CNTN5: variants seen among roughly 807,000 people sequenced by gnomAD.
CNTN5 encodes the protein contactin-5.
Under a neutral mutation model 129.1 loss-of-function variants are expected in CNTN5, and 77 were observed. The ratio of observed to expected loss-of-function variants is 0.60; its 90% CI spans 0.50 to 0.72. The LOEUF (loss-of-function observed/expected upper bound fraction) is 0.72, where lower values mean the gene tolerates loss of function less well. Among genes scored for constraint, CNTN5 ranks in the 30% least tolerant of loss-of-function variants. The pLI is 0.00. For synonymous variants in CNTN5, 509 were observed against 465.6 expected (o/e 1.09, Z -1.20); for missense variants, 1,478 against 1,328.8 (o/e 1.11, Z -1.75).
At chr11:99,752,374 C>T (rs993086408) in intron 3 of CNTN5, among the ~76,000 whole-genome samples, 22 of 152,270 alleles carry the variant, frequency 1.4e-4, no homozygotes, top group African/African-American at 5.3e-4. Context: ...ATGTCATTAG[C>T]AAACTACTCT....
chr11:99,339,366 C>T (rs372670436), intron 2 of CNTN5, among the ~76,000 whole-genome samples: 13 of 152,006 alleles, frequency 8.6e-5, no homozygotes, highest in African/African-American at 2.7e-4. Flanking sequence ...TTTTTGCTTT[C>T]GTTTTTCTGG....
intron 2 of CNTN5, among the ~76,000 whole-genome samples, chr11:99,516,165 T>TA (rs1270572674): frequency 6.6e-6 from 1 of 152,014 alleles, no homozygotes; most frequent in Non-Finnish European, 1.5e-5. Flanking sequence ...ACAATACTCA[T>TA]AAATATAAGT....
chr11:99,924,124 A>G (rs1349966788), intron 7 of CNTN5, among the ~76,000 whole-genome samples: 1 of 152,158 alleles, frequency 6.6e-6, no homozygotes, highest in African/African-American at 2.4e-5. Context: ...ATTAATAGCC[A>G]TTCTGGCTGG....
At chr11:99,134,193 G>C (rs1339035897) in intron 1 of CNTN5, among the ~76,000 whole-genome samples, 2 of 152,074 alleles carry the variant, frequency 1.3e-5, no homozygotes, top group East Asian at 1.9e-4. Flanking sequence ...CTAAGTGGGA[G>C]CTGAACAATG....
At chr11:99,108,501 G>C (rs1389063658) in intron 1 of CNTN5, among the ~76,000 whole-genome samples, 1 of 152,104 alleles carries the variant, frequency 6.6e-6, no homozygotes, top group Non-Finnish European at 1.5e-5. Flanking sequence ...TACTGGAAGT[G>C]TAGTAAATCC....
chr11:99,234,783 C>T (rs897313796), intron 1 of CNTN5, among the ~76,000 whole-genome samples: 1 of 151,544 alleles, frequency 6.6e-6, no homozygotes, highest in African/African-American at 2.4e-5. Flanking sequence ...AAATAATAAC[C>T]TTGTGCCTAA....
chr11:100,253,628 G>T (rs1591439646), intron 16 of CNTN5, among the ~76,000 whole-genome samples: 1 of 152,014 alleles, frequency 6.6e-6, no homozygotes, highest in African/African-American at 2.4e-5. Flanking sequence ...ATAATGTATT[G>T]TAGATGCTCC....
intron 2 of CNTN5, among the ~76,000 whole-genome samples, chr11:99,390,998 T>C (rs529913492): frequency 7.3e-4 from 111 of 152,206 alleles, no homozygotes; most frequent in Middle Eastern, 3.6e-3. Context: ...TCAAAAATGA[T>C]TTTAACTAAA....
At chr11:100,036,526 G>A (rs1263692948) in intron 9 of CNTN5, among the ~76,000 whole-genome samples, 70 of 146,502 alleles carry the variant, frequency 4.8e-4, no homozygotes, top group Non-Finnish European at 1.2e-4. Context: ...TAGCTTGATG[G>A]GGATGGCATT....
At chr11:99,574,556 C>G (rs924472247) in intron 3 of CNTN5, among the ~76,000 whole-genome samples, 12 of 152,200 alleles carry the variant, frequency 7.9e-5, no homozygotes, top group Admixed American at 7.9e-4. Context: ...TTCTCCACAG[C>G]CTCTCCAGCA....
At chr11:99,213,372 A>T (rs1859925289) in intron 1 of CNTN5, among the ~76,000 whole-genome samples, 1 of 138,140 alleles carries the variant, frequency 7.2e-6, no homozygotes, top group South Asian at 2.1e-4. Flanking sequence ...ATATGTATAT[A>T]TGTATATACA....
At chr11:99,712,464 C>T (rs1245853421) in intron 3 of CNTN5, among the ~76,000 whole-genome samples, 1 of 152,122 alleles carries the variant, frequency 6.6e-6, no homozygotes, top group East Asian at 1.9e-4. Context: ...TTTTGCTGTG[C>T]AGTAGCTCTT....
At chr11:99,137,343 G>A (rs530731033) in intron 1 of CNTN5, among the ~76,000 whole-genome samples, 16 of 152,248 alleles carry the variant, frequency 1.1e-4, no homozygotes, top group Non-Finnish European at 1.8e-4. Flanking sequence ...TTACAAAATT[G>A]TCAGATCCAT....
chr11:99,192,932 A>C (rs1332763608), intron 1 of CNTN5, among the ~76,000 whole-genome samples: 1 of 152,084 alleles, frequency 6.6e-6, no homozygotes, highest in Non-Finnish European at 1.5e-5. Context: ...TGTTGCTGGC[A>C]TTTTTTTGGC....
chr11:99,298,138 G>A (rs1456440143), intron 1 of CNTN5, among the ~76,000 whole-genome samples: 6 of 152,108 alleles, frequency 3.9e-5, no homozygotes, highest in African/African-American at 1.4e-4. Flanking sequence ...GCTCCTAGGG[G>A]TCGCTAGAAG....
chr11:99,610,041 G>T (rs1424684053), intron 3 of CNTN5, among the ~76,000 whole-genome samples: 1 of 152,040 alleles, frequency 6.6e-6, no homozygotes, highest in Non-Finnish European at 1.5e-5. Context: ...TACAAATGAA[G>T]AAATCGAGAT....
intron 8 of CNTN5, among the ~76,000 whole-genome samples, chr11:99,974,292 A>C (rs547489891): frequency 6.6e-6 from 1 of 152,180 alleles, no homozygotes; most frequent in African/African-American, 2.4e-5. Context: ...TAATCTTTAT[A>C]CTTTATTGCT....
At chr11:99,797,097 C>G (rs540133207) in intron 3 of CNTN5, among the ~76,000 whole-genome samples, 1 of 152,228 alleles carries the variant, frequency 6.6e-6, no homozygotes, top group South Asian at 2.1e-4. Context: ...TCCCTCCTGG[C>G]TACATCTAGT....
rs1417732458 is a variant in CNTN5 at position 99,382,845 on chromosome 11, C to CCTTTTTTTTTTT, written c.-71+57361_-71+57362insCTTTTTTTTTTT. Among the ~76,000 whole-genome samples the CCTTTTTTTTTTT allele has an allele frequency of 8.6e-4, 66 of 77,046 alleles. 3 individuals carry two copies. In the East Asian group the frequency reaches 0.024, roughly 28 times the overall value. 50.5% of individuals were successfully genotyped at this position (77,046 alleles called of 152,430 possible). A position where few individuals can be genotyped will look rare whatever the true frequency, so the allele number is the denominator to read the frequency against. On this transcript the variant is annotated intron_variant, in intron 2 of 24. Coordinates refer to ENST00000524871, the MANE Select transcript of CNTN5 (RefSeq NM_014361.4). ...ACATCTCACTAGTGTCTCTAAATAACTTTTTTTTTTTTTTTTTTTTTTTTT... is the reference window on the plus strand; with the variant it reads ...ACATCTCACTAGTGTCTCTAAATAACCTTTTTTTTTTTTTTTTTTTTTTTTTTTTTTTTTTTT...
Sources: allele counts gnomAD v4.1 joint callset (sites outside exome capture counted in the v4.1 genomes callset), GRCh38; gene constraint gnomAD v4.1.1; transcripts MANE v1.5; gene names NCBI Gene and HGNC (gene_info 2026-07-23, HGNC 2026-07-21).